Variants in SAMD12 observed in about 807,000 individuals in gnomAD.
SAMD12 encodes the protein sterile alpha motif domain-containing protein 12.
In SAMD12, 9 loss-of-function variants were observed where a neutral mutation model predicts 15.0. The ratio of observed to expected loss-of-function variants is 0.60; its 90% CI spans 0.36 to 1.05. SAMD12 has a LOEUF of 1.05. SAMD12 is among the 50% of genes least tolerant of loss of function. The pLI is 0.01. For synonymous variants in SAMD12, 86 were observed against 90.1 expected, an observed-to-expected ratio of 0.96 and a Z score of 0.25; for missense variants, 230 against 234.2, an observed-to-expected ratio of 0.98 and a Z score of 0.12.
rs545427608 is a variant in SAMD12 at position 118,610,224 on chromosome 8, C to T, written c.13+11580G>A. 1.1e-3 allele frequency among the ~76,000 whole-genome samples: 163 copies of T among 152,308 alleles called. 1 individual carries two copies. Among genetic ancestry groups the T allele is most frequent in the South Asian group, 3.7e-3 (18 of 4,816 alleles). On this transcript the variant is annotated intron_variant, in intron 1 of 3. Transcript: ENST00000314727. Reference sequence around the variant, plus strand: ...TGTAGAAAGCTAATACCAAGATACACACTTTATTAAAAATTTGATCCAAAA... The same window carrying T: ...TGTAGAAAGCTAATACCAAGATACATACTTTATTAAAAATTTGATCCAAAA...
intron 2 of SAMD12, among the ~76,000 whole-genome samples, chr8:118,524,358 A>T (rs1198515279): frequency 6.6e-6 from 1 of 152,132 alleles, no homozygotes; most frequent in Non-Finnish European, 1.5e-5. Flanking sequence ...TTGTTTTAGC[A>T]TCTAGGACAT....
chr8:118,590,257 T>G (rs1299477275), intron 1 of SAMD12, among the ~76,000 whole-genome samples: 1 of 152,182 alleles, frequency 6.6e-6, no homozygotes, highest in Non-Finnish European at 1.5e-5. Context: ...AACCACCACA[T>G]CAGTAAAGGC....
At chr8:118,570,885 T>A (rs928168198) in intron 2 of SAMD12, among the ~76,000 whole-genome samples, 8 of 152,060 alleles carry the variant, frequency 5.3e-5, no homozygotes, top group Non-Finnish European at 1.2e-4. Flanking sequence ...ACGAGATCTG[T>A]TGGTTTCAAA....
chr8:118,401,721 T>A (rs1820880237), intron 3 of SAMD12, among the ~76,000 whole-genome samples: 1 of 151,464 alleles, frequency 6.6e-6, no homozygotes. Context: ...TCATGAGGAG[T>A]TTTTAGATAT....
At chr8:118,212,078 G>GTGTT (rs1554612945) in intron 4 of SAMD12, among the ~76,000 whole-genome samples, 115 of 150,968 alleles carry the variant, frequency 7.6e-4, no homozygotes, top group Middle Eastern at 3.4e-3. Context: ...GTGTGTGTGT[G>GTGTT]TGTGTTTGTG....
intron 2 of SAMD12, among the ~76,000 whole-genome samples, chr8:118,503,699 T>A (rs74429408): frequency 0.024 from 3,582 of 152,232 alleles, 114 homozygotes; most frequent in African/African-American, 0.076. Context: ...TCTGCCTCCA[T>A]CTCCCTCCTT....
chr8:118,510,185 T>G (rs1343888596), intron 2 of SAMD12, among the ~76,000 whole-genome samples: 2 of 151,998 alleles, frequency 1.3e-5, no homozygotes, highest in African/African-American at 4.8e-5. Flanking sequence ...CAAAAAAATC[T>G]CTGAGAAGCT....
intron 2 of SAMD12, among the ~76,000 whole-genome samples, chr8:118,563,342 C>T (rs776808134): frequency 7.2e-5 from 11 of 152,170 alleles, no homozygotes; most frequent in African/African-American, 9.7e-5. Flanking sequence ...GAATCACTTT[C>T]GACAGCAGTC....
intron 2 of SAMD12, among the ~76,000 whole-genome samples, chr8:118,580,194 G>T (rs1447830653): frequency 6.6e-6 from 1 of 152,122 alleles, no homozygotes; most frequent in Non-Finnish European, 1.5e-5. Flanking sequence ...AACAGTACCT[G>T]GGAGATACAT....
intron 3 of SAMD12, among the ~76,000 whole-genome samples, chr8:118,399,703 G>A (rs1820775924): frequency 6.6e-6 from 1 of 152,100 alleles, no homozygotes; most frequent in Non-Finnish European, 1.5e-5. Flanking sequence ...TGAACATGAG[G>A]ACACCACCCA....
At chr8:118,570,155 A>C (rs1422984602) in intron 2 of SAMD12, among the ~76,000 whole-genome samples, 2 of 152,172 alleles carry the variant, frequency 1.3e-5, no homozygotes, top group Non-Finnish European at 2.9e-5. Context: ...CACCATCTGA[A>C]ATCTTGGCCA....
chr8:118,558,683 C>T lies in SAMD12; in HGVS notation c.192+22032G>A, dbSNP rs535122054. ...ACGCCATTCTCCTGCCTCAGCCTCC[C>T]GAGTAGCTGGGACTACAGGCGCGTG... On this transcript the variant is annotated intron_variant, in intron 2 of 3. Transcript: ENST00000314727. Among the ~76,000 whole-genome samples the T allele has an allele frequency of 2.6e-5, 4 of 152,216 alleles. No homozygotes were observed. The South Asian group carries it at 6.2e-4, about 24-fold the overall frequency.
intron 4 of SAMD12, among the ~76,000 whole-genome samples, chr8:118,267,246 C>T (rs938005912): frequency 2.0e-5 from 3 of 152,090 alleles, no homozygotes; most frequent in Non-Finnish European, 2.9e-5. Context: ...CATATATATA[C>T]CCTATTCATT....
intron 1 of SAMD12, 122 bp downstream of exon 1, chr8:118,621,682 G>A: frequency 8.9e-7 from 1 of 1,125,082 alleles, no homozygotes. Flanking sequence ...GGAGGAGGAA[G>A]GGGCCCGCTC....
intron 4 of SAMD12, among the ~76,000 whole-genome samples, chr8:118,253,641 GGTGCATTTT>G (rs1812868091): frequency 6.6e-6 from 1 of 152,074 alleles, no homozygotes; most frequent in African/African-American, 2.4e-5. Context: ...ATGTCAGAGT[GGTGCATTTT>G]CTGTGCTCAG....
chr8:118,290,478 G>A (rs1814303082), intron 4 of SAMD12, among the ~76,000 whole-genome samples: 2 of 152,202 alleles, frequency 1.3e-5, no homozygotes, highest in East Asian at 1.9e-4. Flanking sequence ...AAAGGTAGCA[G>A]TGGGTCTCCT....
At chr8:118,379,931 C>CTGACTCACACATTCAGTTAGAATGTG (rs1475042651) in intron 3 of SAMD12, among the ~76,000 whole-genome samples, 2 of 152,182 alleles carry the variant, frequency 1.3e-5, no homozygotes, top group African/African-American at 4.8e-5. Context: ...GGAAACCCCA[C>CTGACTCACACATTCAGTTAGAATGTG]TGACTCACAC....
rs566922778 is a variant in SAMD12 at position 118,548,993 on chromosome 8, G to A, written c.192+31722C>T. Among the ~76,000 whole-genome samples the A allele has an allele frequency of 3.9e-4, 59 of 152,380 alleles. No individual in the cohort carries two copies. The East Asian group carries it at 5.2e-3, about 13-fold the overall frequency. On this transcript the variant is annotated intron_variant, in intron 2 of 3. Coordinates refer to ENST00000314727, the MANE Select transcript of SAMD12 (RefSeq NM_207506.3). ...CTGGGGGAGGGGCGCCCGCCATTGC[G>A]CAGGCTTGCTTAGGTAAACGAAGCA...
chr8:118,241,692 C>T (rs747735866), intron 4 of SAMD12, among the ~76,000 whole-genome samples: 22 of 152,214 alleles, frequency 1.4e-4, no homozygotes, highest in Non-Finnish European at 2.4e-4. Flanking sequence ...AAATCAGTTT[C>T]CTCATCCATG....
Sources: gnomAD v4.1 joint callset for allele counts (sites outside exome capture counted in the v4.1 genomes callset) on GRCh38, gnomAD v4.1.1 for gene constraint, MANE v1.5 for transcripts, NCBI Gene and HGNC (gene_info 2026-07-23, HGNC 2026-07-21) for gene names.